Variants in PLD1 observed in about 807,000 individuals in gnomAD.
PLD1 encodes choline phosphatase 1.
A neutral mutation model predicts 137.1 loss-of-function variants in PLD1; 112 were observed. The ratio of observed to expected loss-of-function variants is 0.82; its 90% CI spans 0.70 to 0.96. The LOEUF (loss-of-function observed/expected upper bound fraction) is 0.96, where lower values mean the gene tolerates loss of function less well. Ranked by LOEUF, PLD1 falls within the 40% of genes least tolerant of loss-of-function variation. The pLI is 0.00. For synonymous variants in PLD1, 431 were observed against 454.7 expected (o/e 0.95, Z 0.66); for missense variants, 1,321 against 1,342.0 (o/e 0.98, Z 0.24).
chr3:171,666,827 T>C (rs997759580), intron 19 of PLD1, among the ~76,000 whole-genome samples: 39 of 152,204 alleles, frequency 2.6e-4, no homozygotes, highest in Non-Finnish European at 3.8e-4. Context: ...AATGGCATAT[T>C]TCTGATTTTA....
At position 171,699,494 on chromosome 3, in the gene PLD1, C is replaced by G. The variant is rs1037539357; in HGVS notation, c.1227+251G>C. 3.9e-5 allele frequency among the ~76,000 whole-genome samples: 6 copies of G among 152,126 alleles called. No homozygotes were observed. The South Asian group carries it at 1.0e-3, about 26-fold the overall frequency. On this transcript the variant is annotated intron_variant, in intron 12 of 26. Coordinates refer to ENST00000351298, the MANE Select transcript of PLD1 (RefSeq NM_002662.5). ...TTTTTTGCCTATAAAATTAGCTGCC[C>G]ATAACTGATTCAAAAATAAGAATTA...
At chr3:171,716,890 T>C (rs563205765) in intron 8 of PLD1, among the ~76,000 whole-genome samples, 90 of 152,320 alleles carry the variant, frequency 5.9e-4, no homozygotes, top group Middle Eastern at 3.4e-3. Flanking sequence ...TACATTTAAG[T>C]TTCTAAGGGG....
At position 171,779,563 on chromosome 3, in the gene PLD1, G is replaced by A. The variant is rs187313998; in HGVS notation, c.-32+30836C>T. ...ATATCCAAACGAAGAGAAGTAGGAC[G>A]TTGGATACCTAAGTTTGAGGCTTGG... is the stretch of plus-strand genomic sequence containing the variant. On this transcript the variant is annotated intron_variant, in intron 1 of 26. Coordinates refer to ENST00000351298, the MANE Select transcript of PLD1 (RefSeq NM_002662.5). Among the ~76,000 whole-genome samples the A allele has an allele frequency of 5.4e-4, 83 of 152,324 alleles. No individual in the cohort carries two copies. The South Asian group carries it at 0.011, about 20-fold the overall frequency.
At chr3:171,807,288 C>G (rs937231793) in intron 1 of PLD1, among the ~76,000 whole-genome samples, 3 of 141,554 alleles carry the variant, frequency 2.1e-5, no homozygotes, top group African/African-American at 7.6e-5. Context: ...GAGTGAGACC[C>G]TGTCTCAAAA....
At chr3:171,628,376 AC>A (rs1488810039) in intron 23 of PLD1, among the ~76,000 whole-genome samples, 1 of 152,234 alleles carries the variant, frequency 6.6e-6, no homozygotes, top group Admixed American at 6.5e-5. Flanking sequence ...TCAATAGTTT[AC>A]CAACCAAAAA....
At chr3:171,703,213 C>G (rs1233606748) in intron 11 of PLD1, among the ~76,000 whole-genome samples, 2 of 152,038 alleles carry the variant, frequency 1.3e-5, no homozygotes, top group East Asian at 1.9e-4. Flanking sequence ...TAAAGGGTAC[C>G]TATAAAAAAA....
In PLD1 at chr3:171,692,906, C is replaced by T. The variant is rs184005351; in HGVS notation, c.1228-464G>A. On this transcript the variant is annotated intron_variant, in intron 12 of 26. Coordinates refer to ENST00000351298, the MANE Select transcript of PLD1 (RefSeq NM_002662.5). The stretch of plus-strand genomic sequence containing the variant: ...AATACAAGGAAGTGACACATAAGTG[C>T]GTATATTGAGACACAAATATTAAAA... Among the ~76,000 whole-genome samples the T allele has an allele frequency of 2.0e-5, 3 of 152,262 alleles. 1 individual carries two copies. Among genetic ancestry groups the T allele is most frequent in the South Asian group, 2.1e-4 (1 of 4,828 alleles).
intron 14 of PLD1, among the ~76,000 whole-genome samples, chr3:171,687,956 T>G (rs1714746120): frequency 6.6e-6 from 1 of 152,242 alleles, no homozygotes; most frequent in Admixed American, 6.5e-5. Context: ...CCCTGTTCCT[T>G]ATGCACTAAA....
Position 171,612,240 on chromosome 3 carries a change from G to A in PLD1, c.2882+39C>T, listed in dbSNP as rs1280981229. 3.1e-5 allele frequency: 49 copies of A among 1,600,136 alleles called. No individual in the cohort carries two copies. Among genetic ancestry groups the A allele is most frequent in the Non-Finnish European group, 4.2e-5 (49 of 1,169,072 alleles). On this transcript the variant is annotated intron_variant, in intron 25 of 26. Transcript: ENST00000351298. The surrounding 1 kb of genome is among the most constrained non-coding windows in gnomAD (Gnocchi z 4.1). ...GGGCTGGGTCCCAGCGACTGCTGCAGTGGAAATGCATCAGAGAGACACACT... is the reference window on the plus strand; with the variant it reads ...GGGCTGGGTCCCAGCGACTGCTGCAATGGAAATGCATCAGAGAGACACACT...
At chr3:171,767,955 A>AG (rs143928764) in intron 1 of PLD1, among the ~76,000 whole-genome samples, 53,190 of 151,478 alleles carry the variant, frequency 0.35, 10,686 homozygotes, top group Non-Finnish European at 0.43. Flanking sequence ...AAAAAAAGAG[A>AG]GGGGGGCTGG....
chr3:171,647,495 G>A (rs1736348729), intron 21 of PLD1, among the ~76,000 whole-genome samples: 3 of 151,570 alleles, frequency 2.0e-5, no homozygotes, highest in African/African-American at 7.3e-5. Context: ...TGTTGCCCAG[G>A]CTGGAGTGCA....
intron 1 of PLD1, among the ~76,000 whole-genome samples, chr3:171,796,999 C>A (rs1409348673): frequency 6.6e-6 from 1 of 152,162 alleles, no homozygotes; most frequent in Non-Finnish European, 1.5e-5. Flanking sequence ...CCTTTGCTGC[C>A]AAACTCCAAA....
intron 21 of PLD1, among the ~76,000 whole-genome samples, chr3:171,656,357 G>T (rs1737205069): frequency 6.6e-6 from 1 of 152,020 alleles, no homozygotes; most frequent in Admixed American, 6.6e-5. Flanking sequence ...TATTAGTAGA[G>T]ACAGAGTTTC....
chr3:171,620,718 T>TTCTCTCTCTCTCTC (rs369273677), intron 23 of PLD1, among the ~76,000 whole-genome samples, 198 bp from the exon 24 acceptor site: 18 of 104,148 alleles, frequency 1.7e-4, no homozygotes, highest in African/African-American at 6.1e-4. Flanking sequence ...CTGAATGGCT[T>TTCTCTCTCTCTCTC]TCTCTCTCTC....
In PLD1 at chr3:171,624,605, C is replaced by T. The variant is rs9883453; in HGVS notation, c.2594-4085G>A. 9.0e-3 allele frequency among the ~76,000 whole-genome samples: 1,368 copies of T among 151,986 alleles called. 18 individuals are homozygous for T. Among genetic ancestry groups the T allele is most frequent in the African/African-American group, 0.027 (1,136 of 41,464 alleles). ...CACAGTTACCCATTGTATGTAGTTC[C>T]GTTAGAAGCATATAATGGTTGTTGA... On this transcript the variant is annotated intron_variant, in intron 23 of 26. Transcript: ENST00000351298.
intron 1 of PLD1, among the ~76,000 whole-genome samples, chr3:171,741,831 G>C (rs1719796843): frequency 6.6e-6 from 1 of 152,158 alleles, no homozygotes; most frequent in Admixed American, 6.5e-5. Context: ...AAGAGAAGCA[G>C]ATACTTTCCT....
rs1397377284 is a variant in PLD1, at chr3:171,677,638, T to C, written c.1924A>G (p.Arg642Gly). Residue 642 changes from arginine to glycine, a missense_variant, in exon 17 of 27, where the codon AGA becomes GGA. Physicochemically the swap from Arg to Gly is moderately radical, Grantham distance 125. Transcript: ENST00000351298. ...TGVGELHGETRFWHGKDYCNF... is the reference protein window; with the variant it reads ...TGVGELHGETGFWHGKDYCNF... ...CAGTAGTCCTTTCCATGCCAGAATC[T>C]GGTTTCCCCATGCAGCTCTCCCACA... The C allele has an allele frequency of 6.2e-7, 1 of 1,614,016 alleles. No homozygotes were observed. The highest frequency in any genetic ancestry group is 2.2e-5 in the East Asian group (1 of 44,882).
At chr3:171,639,820 T>TTCTCTCTCTCTCTC in intron 23 of PLD1, among the ~76,000 whole-genome samples, 1 of 118,064 alleles carries the variant, frequency 8.5e-6, no homozygotes, top group African/African-American at 3.4e-5. Context: ...TTTACATAAT[T>TTCTCTCTCTCTCTC]TCTCTCTCTC....
chr3:171,650,509 C>T (rs977648354), intron 21 of PLD1, among the ~76,000 whole-genome samples: 9 of 152,084 alleles, frequency 5.9e-5, no homozygotes, highest in Admixed American at 5.2e-4. Context: ...TCCAGGGCCC[C>T]ATAGCATTAA....
Sources: allele counts gnomAD v4.1 joint callset (sites outside exome capture counted in the v4.1 genomes callset), GRCh38; gene constraint gnomAD v4.1.1; non-coding constraint Gnocchi (gnomAD v3.1); transcripts MANE v1.5; gene names NCBI Gene and HGNC (gene_info 2026-07-23, HGNC 2026-07-21).